The following PTPN21 variants were observed in gnomAD, a reference collection of about 807,000 sequenced individuals.
PTPN21 encodes the protein protein tyrosine phosphatase non-receptor type 21.
A neutral mutation model predicts 131.8 loss-of-function variants in PTPN21; 77 were observed. That is an observed-to-expected ratio of 0.58 (90% CI 0.49 to 0.71). The LOEUF (loss-of-function observed/expected upper bound fraction) is 0.71, where lower values mean the gene tolerates loss of function less well. Ranked by LOEUF, PTPN21 falls within the 30% of genes least tolerant of loss-of-function variation. The pLI is 0.00. For missense variants in PTPN21, 1,552 were observed against 1,527.1 expected (o/e 1.02, Z -0.27); for synonymous variants, 715 against 621.3 (o/e 1.15, Z -2.24).
chr14:88,515,394 TGTC>T (rs1282882617), intron 3 of PTPN21: 1 of 152,188 alleles, frequency 6.6e-6, no homozygotes, highest in Non-Finnish European at 1.5e-5. Flanking sequence ...CCTAAACTGG[TGTC>T]CTGCCTATAG....
rs745708151 is a variant in PTPN21 at position 88,468,001 on chromosome 14, T to C, written c.*136A>G. 8.7e-7 allele frequency: 1 copy of C among 1,147,968 alleles called. No individual in the cohort carries two copies. Among genetic ancestry groups the C allele is most frequent in the Non-Finnish European group, 1.3e-6 (1 of 781,836 alleles). The allele number at this position is 1,147,968 out of a possible 1,614,324, so 71.1% of individuals were successfully genotyped here. A position where few individuals can be genotyped will look rare whatever the true frequency, so the allele number is the denominator to read the frequency against. ...GCACGTTTCCTTCAGCGTGCCGCCA[T>C]TCAGACTGCGCCACTTACGTCCCAG... is the stretch of plus-strand genomic sequence containing the variant. On this transcript the variant is annotated 3_prime_UTR_variant, in exon 19 of 19. Transcript: ENST00000556564.
At chr14:88,487,439 C>G (rs886488102) in intron 10 of PTPN21, among the ~76,000 whole-genome samples, 2 of 151,924 alleles carry the variant, frequency 1.3e-5, no homozygotes, top group Non-Finnish European at 2.9e-5. Flanking sequence ...TAATATCAAG[C>G]CTCATGTCTC....
intron 2 of PTPN21, among the ~76,000 whole-genome samples, chr14:88,517,780 GTATA>G (rs200893281): frequency 1.4e-5 from 2 of 140,094 alleles, no homozygotes; most frequent in Admixed American, 7.2e-5. Context: ...ATATATAATG[GTATA>G]TATATATGTG....
In PTPN21 at chr14:88,478,960, G is replaced by A; in HGVS notation, c.2471C>T (p.Ser824Phe). ...LKKRPVSDLL[S>F]GKKNIVEGLP... ...CCCTTCCACGATGTTCTTCTTCCCA[G>A]AGAGAAGGTCCGACACCGGCCTTTT... Residue 824 changes from serine to phenylalanine, a missense_variant, in exon 13 of 19, where the codon TCT becomes TTT. Physicochemically the swap from Ser to Phe is radical, Grantham distance 155. This residue lies in a region of PTPN21 where 1,016 missense variants were observed against 883.5 expected (regional missense o/e 1.15). Transcript: ENST00000556564. 6.5e-7 allele frequency: 1 copy of A among 1,531,536 alleles called. No individual in the cohort carries two copies. The highest frequency in any genetic ancestry group is 8.8e-7 in the Non-Finnish European group (1 of 1,140,250). 94.9% of individuals were successfully genotyped at this position (1,531,536 alleles called of 1,614,324 possible).
At chr14:88,485,740 T>C in intron 11 of PTPN21, 42 bp downstream of exon 11, 1 of 1,405,868 alleles carries the variant, frequency 7.1e-7, no homozygotes, top group Non-Finnish European at 1.0e-6. Context: ...AGGAAAAACA[T>C]CACTAAAATA....
At chr14:88,518,242 AAAAAAAAAAAAAAAT>A (rs1346801708) in intron 2 of PTPN21, among the ~76,000 whole-genome samples, 1 of 75,932 alleles carries the variant, frequency 1.3e-5, no homozygotes, top group African/African-American at 6.1e-5. Context: ...AAAAAAAAAA[AAAAAAAAAAAAAAAT>A]ATATATATAT....
At chr14:88,527,110 T>C (rs1373345443) in intron 2 of PTPN21, among the ~76,000 whole-genome samples, 10 of 152,220 alleles carry the variant, frequency 6.6e-5, no homozygotes, top group African/African-American at 2.4e-4. Flanking sequence ...TGTGCTACTA[T>C]AAACATGTGT....
intron 1 of PTPN21, chr14:88,552,045 T>G (rs1298039248): frequency 6.6e-6 from 1 of 152,308 alleles, no homozygotes; most frequent in African/African-American, 2.4e-5. Flanking sequence ...CAGCCATAGC[T>G]GGCTACGCTG....
chr14:88,473,585 CA>C, intron 14 of PTPN21, 79 bp downstream of exon 14: 5 of 1,497,566 alleles, frequency 3.3e-6, no homozygotes, highest in African/African-American at 1.4e-5. Context: ...GAAAATTCAC[CA>C]AAATCTCATG....
At position 88,479,030 on chromosome 14, in the gene PTPN21, G is replaced by A. The variant is rs966687804; in HGVS notation, c.2401C>T (p.Leu801Phe). Residue 801 changes from leucine to phenylalanine, a missense_variant, in exon 13 of 19, where the codon CTC becomes TTC. By Grantham distance (22) the Leu-to-Phe change is conservative (BLOSUM62 0). Coordinates refer to ENST00000556564, the MANE Select transcript of PTPN21 (RefSeq NM_007039.4). The part of the protein sequence containing the change: ...LLMPSMSESD[L>F]TTSGRYRARR... The stretch of plus-strand genomic sequence containing the variant: ...GCTCGGTAGCGGCCTGACGTGGTGA[G>A]GTCGGACTCCGACATGGAGGGCATC... The A allele has an allele frequency of 6.2e-7, 1 of 1,607,532 alleles. No individual in the cohort carries two copies. The highest frequency in any genetic ancestry group is 8.5e-7 in the Non-Finnish European group (1 of 1,177,676).
intron 2 of PTPN21, among the ~76,000 whole-genome samples, chr14:88,535,609 T>C (rs553688514): frequency 6.6e-6 from 1 of 152,344 alleles, no homozygotes; most frequent in South Asian, 2.1e-4. Flanking sequence ...ACCTTTGTCA[T>C]GGTACCTATA....
chr14:88,476,566 G>C (rs1311956576), intron 13 of PTPN21, among the ~76,000 whole-genome samples: 1 of 152,156 alleles, frequency 6.6e-6, no homozygotes, highest in African/African-American at 2.4e-5. Flanking sequence ...ATGCCTAACT[G>C]CATGTGGGAC....
At position 88,504,495 on chromosome 14, in the gene PTPN21, C is replaced by T; in HGVS notation, c.517G>A (p.Gly173Arg). 3 of 1,611,912 alleles carry T rather than the reference C, an allele frequency of 1.9e-6. No individual in the cohort carries two copies. The highest frequency in any genetic ancestry group is 2.5e-6 in the Non-Finnish European group (3 of 1,178,212). Reference sequence around the variant, plus strand: ...AATACTTTTTCATCTTGTAACCATCCCTGAAGAAAACACACAGTGGTAAGT... The same window carrying T: ...AATACTTTTTCATCTTGTAACCATCTCTGAAGAAAACACACAGTGGTAAGT... ...FLQKFALFPV[G>R]WLQDEKVLEE... Residue 173 changes from glycine to arginine, a missense_variant and splice_region_variant, in exon 6 of 19, where the codon GGA (glycine) becomes AGA (arginine). Physicochemically the swap from Gly to Arg is moderately radical, Grantham distance 125. This residue lies in a region of PTPN21 where 206 missense variants were observed against 221.6 expected (regional missense o/e 0.93). Coordinates refer to ENST00000556564, the MANE Select transcript of PTPN21 (RefSeq NM_007039.4).
At chr14:88,504,378 C>A in intron 6 of PTPN21, 47 bp downstream of exon 6, 1 of 1,284,892 alleles carries the variant, frequency 7.8e-7, no homozygotes, top group African/African-American at 1.5e-5. Flanking sequence ...CAAATTCAAG[C>A]AGACATTGGT....
intron 2 of PTPN21, among the ~76,000 whole-genome samples, chr14:88,549,357 C>A (rs2078826618): frequency 1.3e-5 from 2 of 152,062 alleles, no homozygotes; most frequent in Non-Finnish European, 2.9e-5. Context: ...TTTGAACAAC[C>A]CAAAGTGTAT....
At chr14:88,499,642 A>C (rs1157677044) in intron 8 of PTPN21, among the ~76,000 whole-genome samples, 1 of 152,178 alleles carries the variant, frequency 6.6e-6, no homozygotes, top group African/African-American at 2.4e-5. Flanking sequence ...TGAAGATTAC[A>C]CTAAAAAAAA....
At chr14:88,492,193 A>G (rs1008841311) in intron 10 of PTPN21, among the ~76,000 whole-genome samples, 11 of 152,220 alleles carry the variant, frequency 7.2e-5, no homozygotes, top group Non-Finnish European at 1.3e-4. Context: ...TAATGGCTCA[A>G]TATTATGAAC....
chr14:88,516,667 G>A (rs894466140), intron 3 of PTPN21, among the ~76,000 whole-genome samples: 4 of 151,842 alleles, frequency 2.6e-5, no homozygotes, highest in African/African-American at 9.7e-5. Flanking sequence ...CTCCCCAACC[G>A]GTCTACAGAA....
intron 3 of PTPN21, among the ~76,000 whole-genome samples, chr14:88,514,274 G>A (rs916516038): frequency 1.3e-5 from 2 of 152,004 alleles, no homozygotes; most frequent in African/African-American, 2.4e-5. Flanking sequence ...TTACACAGAC[G>A]AATTATTCCC....
Sources: gnomAD v4.1 joint callset for allele counts (sites outside exome capture counted in the v4.1 genomes callset) on GRCh38, gnomAD v4.1.1 for gene constraint, gnomAD v4.1.1 regional missense constraint, MANE v1.5 for transcripts, NCBI Gene and HGNC (gene_info 2026-07-23, HGNC 2026-07-21) for gene names.